The following BCL6 variants were observed in gnomAD, a reference collection of about 807,000 sequenced individuals.
BCL6 encodes BCL6 transcription repressor, also known as B-cell lymphoma 6 protein.
A neutral mutation model predicts 59.5 loss-of-function variants in BCL6; 7 were observed. The observed-to-expected ratio is 0.12, with a 90% CI of 0.07 to 0.22. BCL6 has a LOEUF of 0.22. BCL6 is among the 10% of genes least tolerant of loss of function. The pLI, the probability that BCL6 is intolerant of heterozygous loss-of-function variation, is 1.00. For missense variants in BCL6, 685 were observed against 939.4 expected (o/e 0.73, Z 3.54); for synonymous variants, 339 against 349.7 (o/e 0.97, Z 0.34).
intron 1 of BCL6, among the ~76,000 whole-genome samples, chr3:187,742,083 G>C (rs560724378): frequency 6.6e-6 from 1 of 151,992 alleles, no homozygotes; most frequent in South Asian, 2.1e-4. Flanking sequence ...CTTTTTATCC[G>C]TTAGTTTTAT....
intron 4 of BCL6, among the ~76,000 whole-genome samples, chr3:187,731,465 G>A (rs1719037978): frequency 6.6e-6 from 1 of 151,856 alleles, no homozygotes. Flanking sequence ...GGGAGGAGAG[G>A]GTATATTAAG....
chr3:187,741,828 T>C (rs1711608935), intron 1 of BCL6, among the ~76,000 whole-genome samples: 2 of 152,212 alleles, frequency 1.3e-5, no homozygotes, highest in East Asian at 1.9e-4. Flanking sequence ...CCAGCCACTA[T>C]GGTGTTTTAC....
At chr3:187,743,060 C>CT (rs1214600552) in intron 1 of BCL6, among the ~76,000 whole-genome samples, 2 of 151,426 alleles carry the variant, frequency 1.3e-5, no homozygotes, top group African/African-American at 4.9e-5. Flanking sequence ...CCACACACAC[C>CT]TTGCAAAGAA....
chr3:187,737,820 G>A (rs1258465390), intron 1 of BCL6: 1 of 125,046 alleles, frequency 8.0e-6, no homozygotes, highest in Non-Finnish European at 1.6e-5. Context: ...GAATGACACA[G>A]CCCTCTCATT....
intron 1 of BCL6, among the ~76,000 whole-genome samples, chr3:187,744,203 C>T (rs1711757320): frequency 6.6e-6 from 1 of 152,290 alleles, no homozygotes; most frequent in South Asian, 2.1e-4. Context: ...GCCCAAAATA[C>T]AAACACCGCA....
chr3:187,745,121 A>G (rs144694892), intron 1 of BCL6, among the ~76,000 whole-genome samples: 2 of 152,184 alleles, frequency 1.3e-5, no homozygotes, highest in African/African-American at 4.8e-5. Flanking sequence ...CAAAGACAAC[A>G]ATAATAATAA....
intron 9 of BCL6, among the ~76,000 whole-genome samples, chr3:187,724,141 A>G (rs770274843): frequency 3.3e-5 from 5 of 152,216 alleles, no homozygotes; most frequent in Non-Finnish European, 7.3e-5. Flanking sequence ...TCTTGTCCCC[A>G]TCACCACCTA....
At chr3:187,745,286 G>GT in intron 1 of BCL6, 124 bp downstream of exon 1, 1 of 393,148 alleles carries the variant, frequency 2.5e-6, no homozygotes, top group Non-Finnish European at 4.5e-6. Flanking sequence ...GGCAAGAGCG[G>GT]AAAAAAAAAG....
intron 1 of BCL6, among the ~76,000 whole-genome samples, chr3:187,741,425 T>A (rs1711588192): frequency 6.6e-6 from 1 of 152,140 alleles, no homozygotes; most frequent in Admixed American, 6.5e-5. Flanking sequence ...ACTCCTGATC[T>A]TCTCGGAGGA....
chr3:187,731,654 C>T, intron 4 of BCL6, 55 bp downstream of exon 4: 1 of 1,556,556 alleles, frequency 6.4e-7, no homozygotes, highest in Non-Finnish European at 8.8e-7. Flanking sequence ...TCAAAGGTTT[C>T]TGATCGGGGA....
At chr3:187,733,944 A>T in intron 2 of BCL6, 1 of 518,836 alleles carries the variant, frequency 1.9e-6, no homozygotes, top group Non-Finnish European at 3.5e-6. Context: ...AGCAAAGGGA[A>T]TGAATATTTG....
rs573866973 is a variant in BCL6 at position 187,733,575 on chromosome 3, C to T, written c.119G>A (p.Arg40His). The T allele has an allele frequency of 1.9e-5, 31 of 1,614,082 alleles. No individual in the cohort carries two copies. Among genetic ancestry groups the T allele is most frequent in the African/African-American group, 8.0e-5 (6 of 75,006 alleles). ...CGTTTTATGGGCTCTAAACTGCTCA[C>T]GGCTCACAACAATGACAACATCAGT... ...ILTDVVIVVS[R>H]EQFRAHKTVL... is the part of the protein sequence containing the mutation. The change falls in exon 3 of 10, where the codon CGT (arginine) becomes CAT (histidine). Residue 40 changes from arginine to histidine, a missense_variant. Arg to His is a conservative substitution (Grantham distance 29). Around this residue, in one of 7 missense-constraint regions of BCL6, gnomAD observed 102 missense variants for 176.6 expected, o/e 0.58. Coordinates refer to ENST00000406870, the MANE Select transcript of BCL6 (RefSeq NM_001706.5).
chr3:187,729,074 C>T lies in BCL6; in HGVS notation c.1331G>A (p.Ser444Asn). The change falls in exon 5 of 10, where the codon AGC (serine) becomes AAC (asparagine). Residue 444 changes from serine (S) to asparagine (N), a missense_variant. By Grantham distance (46) the Ser-to-Asn change is conservative. Coordinates refer to ENST00000406870, the MANE Select transcript of BCL6 (RefSeq NM_001706.5). The surrounding 1 kb of genome is among the most constrained non-coding windows in gnomAD (Gnocchi z 5.6). ...SGEDSTIPQASRLNNIVNRSM... is the reference protein window; with the variant it reads ...SGEDSTIPQANRLNNIVNRSM... ...CCTGTTAACGATGTTATTGAGCCGG[C>T]TGGCTTGTGGGATGGTGGAGTCCTC... 3.3e-6 allele frequency: 5 copies of T among 1,529,748 alleles called. No homozygotes were observed. The highest frequency in any genetic ancestry group is 4.4e-6 in the Non-Finnish European group (5 of 1,140,260). The allele number at this position is 1,529,748 out of a possible 1,614,324, so 94.8% of individuals were successfully genotyped here.
chr3:187,745,125 A>AT (rs1711870137), intron 1 of BCL6, among the ~76,000 whole-genome samples: 1 of 152,110 alleles, frequency 6.6e-6, no homozygotes, highest in African/African-American at 2.4e-5. Flanking sequence ...GACAACAATA[A>AT]TAATAATAAA....
intron 1 of BCL6, among the ~76,000 whole-genome samples, chr3:187,744,826 T>C (rs575660897): frequency 5.9e-5 from 9 of 152,010 alleles, no homozygotes; most frequent in East Asian, 3.9e-4. Flanking sequence ...GGAAAGCAGT[T>C]TGCAAGCGAG....
chr3:187,743,544 C>T (rs1711700321), intron 1 of BCL6, among the ~76,000 whole-genome samples: 1 of 151,588 alleles, frequency 6.6e-6, no homozygotes, highest in African/African-American at 2.4e-5. Flanking sequence ...TTTAAAAAAT[C>T]GGTTTGGTTG....
rs144430187 is a variant in BCL6, at chr3:187,737,239, A to G, written c.-49-2332T>C. 1,443 of 151,776 alleles carry G rather than the reference A, an allele frequency of 9.5e-3. 10 individuals are homozygous for G. The highest frequency in any genetic ancestry group is 0.036 in the South Asian group (171 of 4,806). The allele number at this position is 151,776 out of a possible 1,614,324, so 9.4% of individuals were successfully genotyped here. ...TTGGCGCTTTCCTTGTGCATAGCCA[A>G]CTAGGCTCCTTGAGAAGACAGATCC... On this transcript the variant is annotated intron_variant, in intron 1 of 9. Transcript: ENST00000406870.
At position 187,726,717 on chromosome 3, in the gene BCL6, G is replaced by A; in HGVS notation, c.1708+14C>T. 6.2e-7 allele frequency: 1 copy of A among 1,613,180 alleles called. No individual in the cohort carries two copies. The highest frequency in any genetic ancestry group is 1.1e-5 in the South Asian group (1 of 90,990). ...AATTGTGGAGAGTTCGGGTCGTGTG[G>A]GGCAGGGCCATACCGGTATGGACGG... On this transcript the variant is annotated intron_variant, in intron 7 of 9. Coordinates refer to ENST00000406870, the MANE Select transcript of BCL6 (RefSeq NM_001706.5).
chr3:187,744,407 T>C (rs567337228), intron 1 of BCL6, among the ~76,000 whole-genome samples: 1 of 147,052 alleles, frequency 6.8e-6, no homozygotes, highest in South Asian at 2.3e-4. Context: ...CCCGACTCCC[T>C]CGACTACAAC....
Sources: gnomAD v4.1 joint callset for allele counts (sites outside exome capture counted in the v4.1 genomes callset) on GRCh38, gnomAD v4.1.1 for gene constraint, gnomAD v4.1.1 regional missense constraint, Gnocchi (gnomAD v3.1) non-coding constraint, MANE v1.5 for transcripts, NCBI Gene and HGNC (gene_info 2026-07-23, HGNC 2026-07-21) for gene names.